Variants in NUFIP1 observed in about 807,000 individuals in gnomAD.
NUFIP1 encodes nuclear FMR1 interacting protein 1, also known as FMR1-interacting protein NUFIP1.
Under a neutral mutation model 56.2 loss-of-function variants are expected in NUFIP1, and 38 were observed. The observed-to-expected ratio is 0.68, with a 90% CI of 0.52 to 0.89. NUFIP1 has a LOEUF of 0.89. Among genes scored for constraint, NUFIP1 ranks in the 40% least tolerant of loss-of-function variants. The probability of loss-of-function intolerance (pLI) is 0.00; values close to 1 mark genes in which losing one functional copy is unlikely to be tolerated. For missense variants in NUFIP1, 567 were observed against 605.8 expected (o/e 0.94, Z 0.67); for synonymous variants, 215 against 212.4 (o/e 1.01, Z -0.10).
At chr13:44,957,587 T>A (rs1871287206) in intron 7 of NUFIP1, among the ~76,000 whole-genome samples, 1 of 152,186 alleles carries the variant, frequency 6.6e-6, no homozygotes, top group South Asian at 2.1e-4. Flanking sequence ...GATTTACCAC[T>A]GTTTCTCATG....
chr13:44,943,369 C>CAT, intron 9 of NUFIP1, 73 bp downstream of exon 9: 2 of 1,277,016 alleles, frequency 1.6e-6, no homozygotes, highest in South Asian at 2.6e-5. Context: ...CACACACACA[C>CAT]ACACACACCC....
At chr13:44,941,748 T>C (rs1023666514) in intron 9 of NUFIP1, among the ~76,000 whole-genome samples, 10 of 152,076 alleles carry the variant, frequency 6.6e-5, no homozygotes, top group African/African-American at 2.4e-4. Flanking sequence ...CTCCTGACCT[T>C]GTGATCCACC....
intron 6 of NUFIP1, among the ~76,000 whole-genome samples, chr13:44,962,546 C>T (rs1242652235): frequency 1.3e-5 from 2 of 152,096 alleles, no homozygotes; most frequent in Non-Finnish European, 2.9e-5. Flanking sequence ...TGACAGTAGT[C>T]CTATAAGATT....
At chr13:44,987,826 A>T (rs1440638318) in intron 1 of NUFIP1, among the ~76,000 whole-genome samples, 1 of 152,232 alleles carries the variant, frequency 6.6e-6, no homozygotes, top group Admixed American at 6.5e-5. Context: ...AAATCAGGTC[A>T]TGTCAATCCG....
chr13:44,957,447 G>A (rs1194792142), intron 7 of NUFIP1, among the ~76,000 whole-genome samples: 2 of 152,118 alleles, frequency 1.3e-5, no homozygotes, highest in Non-Finnish European at 2.9e-5. Context: ...CCTGACTTCA[G>A]TTGATCCACC....
At chr13:44,982,188 A>G in intron 1 of NUFIP1, 34 bp from the exon 2 acceptor site, 2 of 1,022,182 alleles carry the variant, frequency 2.0e-6, no homozygotes, top group South Asian at 2.4e-5. Flanking sequence ...TGTTTGCAAC[A>G]ATGTAATTAT....
At chr13:44,948,225 C>T (rs1156645083) in intron 8 of NUFIP1, among the ~76,000 whole-genome samples, 1 of 150,318 alleles carries the variant, frequency 6.7e-6, no homozygotes, top group Non-Finnish European at 1.5e-5. Flanking sequence ...TCACTGCAAC[C>T]TCTGCCTCTT....
chr13:44,974,910 G>C (rs1871919365), intron 5 of NUFIP1, among the ~76,000 whole-genome samples: 1 of 152,218 alleles, frequency 6.6e-6, no homozygotes. Flanking sequence ...AGATGGCACA[G>C]AGCTCAAAGG....
chr13:44,968,095 G>A (rs968175734), intron 5 of NUFIP1, among the ~76,000 whole-genome samples: 2 of 152,044 alleles, frequency 1.3e-5, no homozygotes, highest in Non-Finnish European at 2.9e-5. Flanking sequence ...AAAATGTAAT[G>A]AATTTCAATG....
At chr13:44,970,994 A>C (rs1421008273) in intron 5 of NUFIP1, among the ~76,000 whole-genome samples, 1 of 152,194 alleles carries the variant, frequency 6.6e-6, no homozygotes, top group Admixed American at 6.5e-5. Context: ...GTTTTTAAAA[A>C]ATTGCTAGTG....
intron 7 of NUFIP1, among the ~76,000 whole-genome samples, chr13:44,955,996 A>C (rs373825048): frequency 1.3e-5 from 2 of 151,398 alleles, no homozygotes; most frequent in African/African-American, 4.9e-5. Flanking sequence ...ACAAAAAATT[A>C]GCCGGGCGAG....
intron 6 of NUFIP1, 39 bp downstream of exon 6, chr13:44,965,805 T>C (rs1871577493): frequency 2.5e-6 from 3 of 1,218,920 alleles, no homozygotes; most frequent in Non-Finnish European, 3.5e-6. Context: ...GATTTTGTTT[T>C]GTGCTCCTTT....
chr13:44,967,600 A>G (rs1348968090), intron 5 of NUFIP1, among the ~76,000 whole-genome samples: 1 of 152,216 alleles, frequency 6.6e-6, no homozygotes, highest in East Asian at 1.9e-4. Context: ...CTGGAAAGGG[A>G]GACTCAGGCC....
chr13:44,988,337 T>C (rs1054205298), intron 1 of NUFIP1, among the ~76,000 whole-genome samples: 4 of 152,136 alleles, frequency 2.6e-5, no homozygotes, highest in Admixed American at 2.0e-4. Flanking sequence ...TGAGAATTGC[T>C]TGAACTCGGG....
rs753601176 is a variant in NUFIP1 at position 44,965,851 on chromosome 13, GTGT to G, written c.817_819del (p.Thr273del). 2.5e-6 allele frequency: 4 copies of G among 1,584,170 alleles called. No individual in the cohort carries two copies. The highest frequency in any genetic ancestry group is 1.4e-5 in the African/African-American group (1 of 73,548). ...TAAGCATAAGGAGCTTACCCATATT[GTGT>G]TGTTGTCAATACTGCTCCTCTCTTC... On this transcript the variant is annotated inframe_deletion, in exon 6 of 10. Coordinates refer to ENST00000379161, the MANE Select transcript of NUFIP1 (RefSeq NM_012345.3).
At position 44,979,784 on chromosome 13, in the gene NUFIP1, T is replaced by C. The variant is rs559432923; in HGVS notation, c.657+106A>G. On this transcript the variant is annotated intron_variant, in intron 4 of 9. Coordinates refer to ENST00000379161, the MANE Select transcript of NUFIP1 (RefSeq NM_012345.3). ...TGATGTCAAAATCCTTACAAAGTACTCCATTAGTGTTACCTATTATTAGGT... is the reference window on the plus strand; with the variant it reads ...TGATGTCAAAATCCTTACAAAGTACCCCATTAGTGTTACCTATTATTAGGT... The C allele has an allele frequency of 2.8e-5, 19 of 684,576 alleles. No individual in the cohort carries two copies. In the South Asian group the frequency reaches 4.4e-4, roughly 16 times the overall value. The allele number at this position is 684,576 out of a possible 1,614,324, so 42.4% of individuals were successfully genotyped here. A position where few individuals can be genotyped will look rare whatever the true frequency, so the allele number is the denominator to read the frequency against.
chr13:44,984,213 C>T (rs987330752), intron 1 of NUFIP1, among the ~76,000 whole-genome samples: 4 of 152,168 alleles, frequency 2.6e-5, no homozygotes, highest in Admixed American at 2.0e-4. Context: ...AAGCTTTTCC[C>T]AATTTCCTCT....
At chr13:44,947,062 A>C (rs1038609087) in intron 8 of NUFIP1, among the ~76,000 whole-genome samples, 4 of 152,176 alleles carry the variant, frequency 2.6e-5, no homozygotes, top group Non-Finnish European at 5.9e-5. Flanking sequence ...TTAACAGATA[A>C]TATCCTTTGT....
At chr13:44,967,263 G>A (rs1272886706) in intron 5 of NUFIP1, among the ~76,000 whole-genome samples, 1 of 152,000 alleles carries the variant, frequency 6.6e-6, no homozygotes, top group African/African-American at 2.4e-5. Flanking sequence ...CGGGTGTGGT[G>A]GCTCACGTCT....
Sources: allele counts gnomAD v4.1 joint callset (sites outside exome capture counted in the v4.1 genomes callset), GRCh38; gene constraint gnomAD v4.1.1; transcripts MANE v1.5; gene names NCBI Gene and HGNC (gene_info 2026-07-23, HGNC 2026-07-21).